PCBP3: variants seen among roughly 807,000 people sequenced by gnomAD.
PCBP3 encodes poly(rC) binding protein 3, also known as poly(rC)-binding protein 3.
In PCBP3, 25 loss-of-function variants were observed where a neutral mutation model predicts 52.7. That is an observed-to-expected ratio of 0.47 (90% CI 0.35 to 0.66). The LOEUF is 0.66. Ranked by LOEUF, PCBP3 falls within the 30% of genes least tolerant of loss-of-function variation. The pLI is 0.01. For missense variants in PCBP3, 391 were observed against 490.3 expected (o/e 0.80, Z 1.91); for synonymous variants, 162 against 183.0 (o/e 0.89, Z 0.93).
intron 10 of PCBP3, among the ~76,000 whole-genome samples, chr21:45,910,514 G>A (rs1339150031): frequency 6.6e-6 from 1 of 152,166 alleles, no homozygotes; most frequent in African/African-American, 2.4e-5. Context: ...CTATGCAGCA[G>A]GGCAGCTGCC....
intron 2 of PCBP3, among the ~76,000 whole-genome samples, chr21:45,728,305 T>C (rs773697518): frequency 1.3e-5 from 2 of 152,252 alleles, no homozygotes; most frequent in African/African-American, 2.4e-5. Context: ...GAGTTAATAC[T>C]GAATTTTGTC....
intron 2 of PCBP3, among the ~76,000 whole-genome samples, chr21:45,678,838 A>C (rs917399438): frequency 3.3e-5 from 5 of 151,976 alleles, no homozygotes; most frequent in African/African-American, 1.2e-4. Flanking sequence ...TCCAATTTTG[A>C]AAGAAGTTAT....
chr21:45,797,465 T>C (rs1569235050), intron 4 of PCBP3, among the ~76,000 whole-genome samples: 1 of 151,632 alleles, frequency 6.6e-6, no homozygotes. Context: ...AATGCATGGA[T>C]AGACGAGTGC....
chr21:45,809,638 C>CACT (rs2092621548), intron 4 of PCBP3, among the ~76,000 whole-genome samples: 1 of 152,212 alleles, frequency 6.6e-6, no homozygotes, highest in African/African-American at 2.4e-5. Flanking sequence ...TCCCCCCTGC[C>CACT]GCTGCCACTA....
chr21:45,902,250 G>A (rs568343260), intron 9 of PCBP3, among the ~76,000 whole-genome samples: 2 of 150,716 alleles, frequency 1.3e-5, no homozygotes. Context: ...TCCAAGGCTG[G>A]ACACTGCAGA....
In PCBP3 at chr21:45,826,258, C is replaced by CAAAAAA. The variant is rs10679763; in HGVS notation, c.-125-23693_-125-23688dup. 6.1e-4 allele frequency among the ~76,000 whole-genome samples: 79 copies of CAAAAAA among 129,956 alleles called. 1 individual carries two copies. Among genetic ancestry groups the CAAAAAA allele is most frequent in the African/African-American group, 2.2e-3 (78 of 35,340 alleles). 85.3% of individuals were successfully genotyped at this position (129,956 alleles called of 152,430 possible). On this transcript the variant is annotated intron_variant, in intron 4 of 17. Coordinates refer to ENST00000681687, the MANE Select transcript of PCBP3 (RefSeq NM_001384156.1). ...GGGCAACAAGAGTGAAACTCTGTCT[C>CAAAAAA]AAAAAAAAAAAAAAATTAAATTAAA...
chr21:45,823,969 T>A, intron 4 of PCBP3, among the ~76,000 whole-genome samples: 1 of 152,136 alleles, frequency 6.6e-6, no homozygotes, highest in East Asian at 1.9e-4. Context: ...CTCAAACTCC[T>A]GACCTCACGT....
intron 4 of PCBP3, among the ~76,000 whole-genome samples, chr21:45,786,413 C>A (rs998118682): frequency 6.6e-6 from 1 of 152,042 alleles, no homozygotes; most frequent in African/African-American, 2.4e-5. Flanking sequence ...CCCTCAGCCT[C>A]CCGAGTAGCT....
At position 45,826,579 on chromosome 21, in the gene PCBP3, A is replaced by G. The variant is rs190589554; in HGVS notation, c.-125-23382A>G. Among the ~76,000 whole-genome samples the G allele has an allele frequency of 2.1e-3, 317 of 152,280 alleles. 1 individual carries two copies. Among genetic ancestry groups the G allele is most frequent in the Non-Finnish European group, 3.2e-3 (220 of 68,022 alleles). Reference sequence around the variant, plus strand: ...GCCTTCCCTGTCCTCCCCACCAGGCATGACAAAGGTGCTGGGTATTTTATA... The same window carrying G: ...GCCTTCCCTGTCCTCCCCACCAGGCGTGACAAAGGTGCTGGGTATTTTATA... On this transcript the variant is annotated intron_variant, in intron 4 of 17. Transcript: ENST00000681687.
chr21:45,901,909 T>TG (rs2096066763), intron 9 of PCBP3, among the ~76,000 whole-genome samples: 2 of 152,220 alleles, frequency 1.3e-5, no homozygotes, highest in Non-Finnish European at 2.9e-5. Context: ...CATTAAGTAA[T>TG]GAGGTGCACT....
At chr21:45,840,471 A>G (rs1441728120) in intron 4 of PCBP3, among the ~76,000 whole-genome samples, 1 of 151,938 alleles carries the variant, frequency 6.6e-6, no homozygotes, top group African/African-American at 2.4e-5. Context: ...AAAAAAAAAA[A>G]AAAAAGTTAC....
At chr21:45,929,896 C>T in intron 13 of PCBP3, 21 bp from the exon 14 acceptor site, 4 of 1,595,178 alleles carry the variant, frequency 2.5e-6, no homozygotes, top group South Asian at 1.1e-5. Context: ...CTTCTTAGCT[C>T]TCGTGTCCCT....
chr21:45,643,817 C>A lies in PCBP3; in HGVS notation c.-330C>A, dbSNP rs2079072805. 5.4e-5 allele frequency: 8 copies of A among 148,272 alleles called. No individual in the cohort carries two copies. The highest frequency in any genetic ancestry group is 4.7e-4 in the Admixed American group (7 of 14,954). 9.2% of individuals were successfully genotyped at this position (148,272 alleles called of 1,614,324 possible). A position where few individuals can be genotyped will look rare whatever the true frequency, so the allele number is the denominator to read the frequency against. ...CCGCCTCGCCCCGACCCCGCCCGGG[C>A]CTCCCGGCCTCTCCCCGCCGGCCCG... On this transcript the variant is annotated 5_prime_UTR_variant, in exon 1 of 18. Transcript: ENST00000681687.
chr21:45,777,972 T>C (rs933769076), intron 4 of PCBP3, among the ~76,000 whole-genome samples: 1 of 147,206 alleles, frequency 6.8e-6, no homozygotes, highest in African/African-American at 2.5e-5. Context: ...GGGAGGGCCT[T>C]TTTTTTTTTT....
At chr21:45,901,941 C>T (rs1048328624) in intron 9 of PCBP3, among the ~76,000 whole-genome samples, 11 of 152,192 alleles carry the variant, frequency 7.2e-5, no homozygotes, top group African/African-American at 2.7e-4. Context: ...AACAAAGACC[C>T]CTCCAAGGGA....
intron 1 of PCBP3, among the ~76,000 whole-genome samples, chr21:45,660,958 T>C (rs2080351368): frequency 6.6e-6 from 1 of 152,088 alleles, no homozygotes; most frequent in Non-Finnish European, 1.5e-5. Flanking sequence ...GGAGAATTGC[T>C]TGAACCCAGG....
rs1466551237 is a variant in PCBP3 at position 45,830,830 on chromosome 21, A to G, written c.-125-19131A>G. ...ATTATGATGCCGAAAATGTTTCATG[A>G]TGAGGCCTTCCCAGAAAGGCGGGGA... On this transcript the variant is annotated intron_variant, in intron 4 of 17. Coordinates refer to ENST00000681687, the MANE Select transcript of PCBP3 (RefSeq NM_001384156.1). The surrounding 1 kb of genome is among the most constrained non-coding windows in gnomAD (Gnocchi z 4.4). 4 of 152,234 alleles carry G rather than the reference A, an allele frequency of 2.6e-5. No homozygotes were observed. Among genetic ancestry groups the G allele is most frequent in the Admixed American group, 1.3e-4 (2 of 15,282 alleles). The allele number at this position is 152,234 out of a possible 1,614,324, so 9.4% of individuals were successfully genotyped here.
Position 45,773,940 on chromosome 21 carries a change from CT to C in PCBP3, c.-126+18491del, listed in dbSNP as rs200047983. Among the ~76,000 whole-genome samples the C allele has an allele frequency of 5.5e-3, 840 of 152,188 alleles. 8 individuals are homozygous for C. Among genetic ancestry groups the C allele is most frequent in the African/African-American group, 0.019 (810 of 41,542 alleles). ...ACTTTGTAGTTTTCCTTATAGAAAT[CT>C]TTCCTTTCCTTGGTTAAATTTATTC... On this transcript the variant is annotated intron_variant, in intron 4 of 17. Coordinates refer to ENST00000681687, the MANE Select transcript of PCBP3 (RefSeq NM_001384156.1).
At chr21:45,925,949 C>T (rs181696593) in intron 13 of PCBP3, among the ~76,000 whole-genome samples, 8 of 152,340 alleles carry the variant, frequency 5.3e-5, no homozygotes, top group Admixed American at 2.6e-4. Flanking sequence ...GTGATCCTGA[C>T]GTGATTGCCG....
Sources: gnomAD v4.1 joint callset for allele counts (sites outside exome capture counted in the v4.1 genomes callset) on GRCh38, gnomAD v4.1.1 for gene constraint, Gnocchi (gnomAD v3.1) non-coding constraint, MANE v1.5 for transcripts, NCBI Gene and HGNC (gene_info 2026-07-23, HGNC 2026-07-21) for gene names.